CSMD1: variants seen among roughly 807,000 people sequenced by gnomAD.
CSMD1 encodes the protein CUB and Sushi multiple domains 1, also known as CUB and sushi domain-containing protein 1.
Under a neutral mutation model 417.5 loss-of-function variants are expected in CSMD1, and 213 were observed. The observed-to-expected ratio is 0.51, with a 90% CI of 0.46 to 0.57. The LOEUF is 0.57. Among genes scored for constraint, CSMD1 ranks in the 20% least tolerant of loss-of-function variants. CSMD1 has a pLI of 0.00. For missense variants in CSMD1, 6,923 were observed against 4,529.7 expected, an observed-to-expected ratio of 1.53 and a Z score of -15.17; for synonymous variants, 2,862 against 1,736.8, an observed-to-expected ratio of 1.65 and a Z score of -16.11.
At chr8:3,690,481 G>T (rs1585081145) in intron 7 of CSMD1, among the ~76,000 whole-genome samples, 1 of 152,294 alleles carries the variant, frequency 6.6e-6, no homozygotes, top group South Asian at 2.1e-4. Context: ...CAACATGTGG[G>T]GCAATACAAT....
At chr8:3,089,193 G>A (rs913441490) in intron 48 of CSMD1, among the ~76,000 whole-genome samples, 2 of 152,214 alleles carry the variant, frequency 1.3e-5, no homozygotes, top group African/African-American at 4.8e-5. Flanking sequence ...CCACTCTGCT[G>A]GTGCAGCCTC....
At chr8:4,386,104 T>A (rs575347658) in intron 3 of CSMD1, among the ~76,000 whole-genome samples, 55 of 152,324 alleles carry the variant, frequency 3.6e-4, no homozygotes, top group African/African-American at 1.3e-3. Flanking sequence ...GTACCCAGAA[T>A]CTTGACTTTT....
chr8:3,368,336 C>G (rs1809733918), intron 19 of CSMD1, among the ~76,000 whole-genome samples: 3 of 152,016 alleles, frequency 2.0e-5, no homozygotes, highest in Non-Finnish European at 4.4e-5. Flanking sequence ...CAAATAGACT[C>G]TTGTTTATTT....
At chr8:4,983,717 C>T (rs2924725) in intron 1 of CSMD1, among the ~76,000 whole-genome samples, 55,700 of 151,434 alleles carry the variant, frequency 0.37, 12,014 homozygotes, top group African/African-American at 0.61. Context: ...TTGGTAGAGA[C>T]GGGGAAGAAC....
At chr8:4,420,279 G>A (rs1324889591) in intron 2 of CSMD1, among the ~76,000 whole-genome samples, 1 of 152,060 alleles carries the variant, frequency 6.6e-6, no homozygotes, top group African/African-American at 2.4e-5. Context: ...AATAACTTGA[G>A]AGAATTTCTT....
chr8:4,302,705 G>A (rs968487298), intron 3 of CSMD1, among the ~76,000 whole-genome samples: 8 of 152,268 alleles, frequency 5.3e-5, no homozygotes, highest in Admixed American at 3.3e-4. Context: ...TGTATGTGCC[G>A]TGTTTTCAAC....
rs186171131 is a variant in CSMD1 at position 4,559,820 on chromosome 8, C to T, written c.302+77522G>A. On this transcript the variant is annotated intron_variant, in intron 2 of 69. Transcript: ENST00000635120. Reference sequence around the variant, plus strand: ...GACACACGTCATCTCATGTTCACTTCGTGAAATTCTATTCATCTTACCTTT... The same window carrying T: ...GACACACGTCATCTCATGTTCACTTTGTGAAATTCTATTCATCTTACCTTT... 5.9e-5 allele frequency among the ~76,000 whole-genome samples: 9 copies of T among 152,316 alleles called. No homozygotes were observed. In the East Asian group the frequency reaches 1.4e-3, roughly 23 times the overall value.
At chr8:3,391,934 G>C (rs771587860) in intron 17 of CSMD1, among the ~76,000 whole-genome samples, 24 of 152,074 alleles carry the variant, frequency 1.6e-4, no homozygotes, top group African/African-American at 4.8e-4. Context: ...GAGGCATAAA[G>C]AGTTTGATAT....
intron 5 of CSMD1, among the ~76,000 whole-genome samples, chr8:3,776,177 C>A (rs940112322): frequency 6.6e-6 from 1 of 152,202 alleles, no homozygotes; most frequent in East Asian, 1.9e-4. Context: ...ACCTTCAGAA[C>A]AGATCCATGT....
intron 30 of CSMD1, among the ~76,000 whole-genome samples, chr8:3,210,520 T>C (rs1221027879): frequency 2.6e-5 from 1 of 38,032 alleles, no homozygotes; most frequent in Non-Finnish European, 5.3e-5. Context: ...TATATAGGAA[T>C]ATATGTGAAT....
intron 1 of CSMD1, among the ~76,000 whole-genome samples, chr8:4,815,145 G>A (rs1799132906): frequency 6.6e-6 from 1 of 152,128 alleles, no homozygotes; most frequent in Non-Finnish European, 1.5e-5. Context: ...ATATCAGGAA[G>A]AGTTGGAACG....
intron 3 of CSMD1, among the ~76,000 whole-genome samples, chr8:4,211,885 C>T (rs1182056695): frequency 2.0e-5 from 3 of 152,168 alleles, no homozygotes; most frequent in East Asian, 3.9e-4. Context: ...ATCATATCTA[C>T]AGAAAACATT....
At chr8:4,303,420 CTGTTTTTTTTTTTTTTTTTT>C (rs1481242820) in intron 3 of CSMD1, among the ~76,000 whole-genome samples, 27 of 92,332 alleles carry the variant, frequency 2.9e-4, no homozygotes, top group African/African-American at 1.1e-3. Context: ...GGGCAGGAAG[CTGTTTTTTTTTTTTTTTTTT>C]TTTTTTTTTT....
chr8:3,169,654 A>G (rs1053051076), intron 37 of CSMD1, among the ~76,000 whole-genome samples: 2 of 152,184 alleles, frequency 1.3e-5, no homozygotes, highest in Non-Finnish European at 2.9e-5. Context: ...ACATGATGTC[A>G]TGTTATTTAT....
At chr8:4,890,198 T>A (rs182903802) in intron 1 of CSMD1, among the ~76,000 whole-genome samples, 1 of 152,130 alleles carries the variant, frequency 6.6e-6, no homozygotes, top group African/African-American at 2.4e-5. Context: ...CAATATCTCA[T>A]AAACACACTT....
chr8:4,546,318 C>G (rs1170052298), intron 2 of CSMD1, among the ~76,000 whole-genome samples: 1 of 152,142 alleles, frequency 6.6e-6, no homozygotes, highest in Non-Finnish European at 1.5e-5. Context: ...GGTAAATTTT[C>G]TGTGTCAACT....
chr8:3,720,655 A>ACACACC lies in CSMD1; in HGVS notation c.932-12165_932-12164insGGTGTG, dbSNP rs1435579676. Among the ~76,000 whole-genome samples, 352 of 148,922 alleles carry ACACACC rather than the reference A, an allele frequency of 2.4e-3. 1 individual carries two copies. Among genetic ancestry groups the ACACACC allele is most frequent in the African/African-American group, 8.2e-3 (334 of 40,868 alleles). ...CACACACACACACACACACACACAC[A>ACACACC]CCAGCACATTTCTCCTTCATGACCC... On this transcript the variant is annotated intron_variant, in intron 6 of 69. Transcript: ENST00000635120.
chr8:4,228,177 C>G (rs1211411956), intron 3 of CSMD1, among the ~76,000 whole-genome samples: 1 of 152,230 alleles, frequency 6.6e-6, no homozygotes, highest in Non-Finnish European at 1.5e-5. Flanking sequence ...CCCCTCCACC[C>G]TGCATGCAAT....
chr8:3,919,438 G>C (rs1024480232), intron 5 of CSMD1, among the ~76,000 whole-genome samples: 1 of 151,814 alleles, frequency 6.6e-6, no homozygotes, highest in Non-Finnish European at 1.5e-5. Context: ...TTGGTTAGTT[G>C]GCAGTTTTTG....
Sources: allele counts gnomAD v4.1 joint callset (sites outside exome capture counted in the v4.1 genomes callset), GRCh38; gene constraint gnomAD v4.1.1; transcripts MANE v1.5; gene names NCBI Gene and HGNC (gene_info 2026-07-23, HGNC 2026-07-21).